Variants in B4GALT5 observed in about 807,000 individuals in gnomAD.
B4GALT5 encodes UDP-Gal:beta-GlcNAc beta-1,4-galactosyltransferase 5.
Under a neutral mutation model 45.0 loss-of-function variants are expected in B4GALT5, and 11 were observed. The ratio of observed to expected loss-of-function variants is 0.24; its 90% CI spans 0.15 to 0.40. The LOEUF (loss-of-function observed/expected upper bound fraction) is 0.40. B4GALT5 is among the 10% of genes least tolerant of loss of function. The pLI is 1.00. For missense variants in B4GALT5, 337 were observed against 500.2 expected, an observed-to-expected ratio of 0.67 and a Z score of 3.11; for synonymous variants, 185 against 182.9, an observed-to-expected ratio of 1.01 and a Z score of -0.09.
At chr20:49,636,550 G>T in intron 8 of B4GALT5, 91 bp from the exon 9 acceptor site, 1 of 1,434,730 alleles carries the variant, frequency 7.0e-7, no homozygotes, top group South Asian at 1.2e-5. Context: ...CCACAGCAGA[G>T]GACGCAACCC....
At chr20:49,650,110 AAGAT>A (rs1293493337) in intron 2 of B4GALT5, among the ~76,000 whole-genome samples, 3 of 152,326 alleles carry the variant, frequency 2.0e-5, no homozygotes, top group East Asian at 3.9e-4. Context: ...AGTTTCTTTG[AAGAT>A]AGATAAATTC....
intron 1 of B4GALT5, among the ~76,000 whole-genome samples, chr20:49,664,383 G>C (rs1437672200): frequency 6.7e-6 from 1 of 148,494 alleles, no homozygotes; most frequent in East Asian, 2.0e-4. Flanking sequence ...CACACACAGA[G>C]CTAACATTTA....
At chr20:49,713,483 C>T in intron 1 of B4GALT5, 93 bp downstream of exon 1, 1 of 1,327,752 alleles carries the variant, frequency 7.5e-7, no homozygotes, top group South Asian at 1.3e-5. Flanking sequence ...TCAGGGCCGC[C>T]TCCCGGCCGG....
chr20:49,659,999 A>C (rs2085659047), intron 1 of B4GALT5, among the ~76,000 whole-genome samples: 1 of 151,876 alleles, frequency 6.6e-6, no homozygotes, highest in Non-Finnish European at 1.5e-5. Context: ...AGGCTGGCCC[A>C]GTCACTTTTG....
At chr20:49,698,431 G>T (rs968398179) in intron 1 of B4GALT5, among the ~76,000 whole-genome samples, 1 of 152,182 alleles carries the variant, frequency 6.6e-6, no homozygotes, top group Non-Finnish European at 1.5e-5. Flanking sequence ...TACCTAAAGT[G>T]AATTTTCCCT....
At chr20:49,644,074 T>C (rs1414505955) in intron 3 of B4GALT5, among the ~76,000 whole-genome samples, 1 of 151,802 alleles carries the variant, frequency 6.6e-6, no homozygotes, top group African/African-American at 2.4e-5. Context: ...GTTACAGGCA[T>C]ATGCCACCAC....
intron 1 of B4GALT5, among the ~76,000 whole-genome samples, chr20:49,678,039 C>T (rs1474043762): frequency 6.6e-6 from 1 of 152,252 alleles, no homozygotes; most frequent in Non-Finnish European, 1.5e-5. Flanking sequence ...TGAGTCATCA[C>T]GCCCAGCCTG....
At chr20:49,641,241 A>G (rs2085575949) in intron 5 of B4GALT5, among the ~76,000 whole-genome samples, 1 of 152,224 alleles carries the variant, frequency 6.6e-6, no homozygotes, top group Admixed American at 6.5e-5. Context: ...GTGTACCAGC[A>G]TTTAGAAGAG....
At chr20:49,701,335 A>T (rs1285232037) in intron 1 of B4GALT5, among the ~76,000 whole-genome samples, 2 of 152,174 alleles carry the variant, frequency 1.3e-5, no homozygotes, top group African/African-American at 4.8e-5. Context: ...AGTTCAGCTG[A>T]TATCAGAAAA....
At chr20:49,663,690 A>ATATATATATATATATAT (rs1296656944) in intron 1 of B4GALT5, among the ~76,000 whole-genome samples, 1 of 96,962 alleles carries the variant, frequency 1.0e-5, no homozygotes, top group African/African-American at 4.5e-5. Flanking sequence ...AAAAAAAAAA[A>ATATATATATATATATAT]ATATATACAT....
chr20:49,663,910 A>G (rs1174532619), intron 1 of B4GALT5, among the ~76,000 whole-genome samples: 2 of 152,068 alleles, frequency 1.3e-5, no homozygotes, highest in South Asian at 2.1e-4. Flanking sequence ...GATTACAGTC[A>G]TATTTGGGTC....
chr20:49,656,488 T>C, intron 2 of B4GALT5, 80 bp downstream of exon 2: 2 of 1,561,382 alleles, frequency 1.3e-6, no homozygotes, highest in Non-Finnish European at 1.8e-6. Context: ...CTTTTCCCAT[T>C]GAAAATAATT....
chr20:49,693,189 T>C lies in B4GALT5; in HGVS notation c.115+20387A>G, dbSNP rs185755119. Among the ~76,000 whole-genome samples the C allele has an allele frequency of 2.9e-3, 443 of 152,332 alleles. 1 individual carries two copies. The highest frequency in any genetic ancestry group is 7.1e-3 in the Admixed American group (108 of 15,300). ...TTCTCAGGATGTATCCCCATACTTA[T>C]GCAACATATGACTGTGTTTGTGAAT... On this transcript the variant is annotated intron_variant, in intron 1 of 8. Transcript: ENST00000371711.
chr20:49,671,697 C>A (rs1359027166), intron 1 of B4GALT5, among the ~76,000 whole-genome samples: 3 of 152,068 alleles, frequency 2.0e-5, no homozygotes, highest in Non-Finnish European at 2.9e-5. Context: ...TTCTCTGTTC[C>A]ACTAGTGAAA....
intron 1 of B4GALT5, among the ~76,000 whole-genome samples, chr20:49,692,182 G>T (rs1401120995): frequency 2.0e-5 from 3 of 151,474 alleles, no homozygotes; most frequent in Admixed American, 6.6e-5. Flanking sequence ...TCACTGTAGT[G>T]TGCCTTATAA....
chr20:49,697,351 T>C (rs1348302993), intron 1 of B4GALT5, among the ~76,000 whole-genome samples: 2 of 152,226 alleles, frequency 1.3e-5, no homozygotes, highest in Non-Finnish European at 2.9e-5. Context: ...GCAGAGACGC[T>C]TGCTCTTGGA....
intron 4 of B4GALT5, among the ~76,000 whole-genome samples, 178 bp downstream of exon 4, chr20:49,643,348 C>A (rs2085584769): frequency 6.6e-6 from 1 of 152,146 alleles, no homozygotes; most frequent in South Asian, 2.1e-4. Context: ...ATGCAAATTT[C>A]TGTATCTACA....
chr20:49,709,218 G>C (rs1927781), intron 1 of B4GALT5, among the ~76,000 whole-genome samples: 1 of 151,816 alleles, frequency 6.6e-6, no homozygotes, highest in African/African-American at 2.4e-5. Context: ...TCATAAATAA[G>C]TTCAAAAGTT....
rs73613303 is a variant in B4GALT5, at chr20:49,650,007, G to A, written c.251-2929C>T. On this transcript the variant is annotated intron_variant, in intron 2 of 8. Coordinates refer to ENST00000371711, the MANE Select transcript of B4GALT5 (RefSeq NM_004776.4). ...TCATTCTGGTCAATGACTGACCCAA[G>A]CCCTAGAGCTAGAACCTAATCAGGA... Among the ~76,000 whole-genome samples the A allele has an allele frequency of 7.6e-3, 1,153 of 152,132 alleles. 16 individuals carry two copies. The highest frequency in any genetic ancestry group is 0.038 in the East Asian group (195 of 5,176).
Sources: allele counts gnomAD v4.1 joint callset (sites outside exome capture counted in the v4.1 genomes callset), GRCh38; gene constraint gnomAD v4.1.1; transcripts MANE v1.5; gene names NCBI Gene and HGNC (gene_info 2026-07-23, HGNC 2026-07-21).